APBB2: variants seen among roughly 807,000 people sequenced by gnomAD.
APBB2 encodes amyloid beta precursor protein binding family B member 2.
Under a neutral mutation model 82.5 loss-of-function variants are expected in APBB2, and 38 were observed. The observed-to-expected ratio is 0.46, with a 90% CI of 0.36 to 0.60. APBB2 has a LOEUF of 0.60. Ranked by LOEUF, APBB2 falls within the 20% of genes least tolerant of loss-of-function variation. APBB2 has a pLI of 0.00. For synonymous variants in APBB2, 341 were observed against 368.2 expected (o/e 0.93, Z 0.85); for missense variants, 772 against 972.3 (o/e 0.79, Z 2.74).
chr4:41,031,846 G>T (rs946130867), intron 5 of APBB2, among the ~76,000 whole-genome samples: 1 of 152,002 alleles, frequency 6.6e-6, no homozygotes, highest in African/African-American at 2.4e-5. Context: ...AAGAACATAC[G>T]TATTTATTTT....
chr4:41,046,549 CATAAG>C (rs1723491329), intron 4 of APBB2, among the ~76,000 whole-genome samples: 1 of 151,828 alleles, frequency 6.6e-6, no homozygotes, highest in African/African-American at 2.4e-5. Flanking sequence ...TTAGAGAAAA[CATAAG>C]AGATGAACTG....
intron 12 of APBB2, among the ~76,000 whole-genome samples, chr4:40,866,607 T>C (rs977580087): frequency 3.9e-5 from 6 of 152,354 alleles, no homozygotes; most frequent in East Asian, 1.9e-4. Context: ...TCCTTCAGTG[T>C]TGAGTTTAAA....
At chr4:41,178,399 T>C (rs1580654865) in intron 1 of APBB2, among the ~76,000 whole-genome samples, 3 of 152,152 alleles carry the variant, frequency 2.0e-5, no homozygotes, top group Admixed American at 1.3e-4. Context: ...CAGACTAGAA[T>C]GGAGCCTCCG....
rs754353538 is a variant in APBB2 at position 40,823,774 on chromosome 4, G to A, written c.1817-15C>T. The A allele has an allele frequency of 6.3e-7, 1 of 1,588,658 alleles. No homozygotes were observed. The highest frequency in any genetic ancestry group is 1.1e-5 in the South Asian group (1 of 90,568). Reference sequence around the variant, plus strand: ...AATATCCATTCCTGGGGACAGAAAAGGATAATTTAAAGTGTCCTAAAGCCA... The same window carrying A: ...AATATCCATTCCTGGGGACAGAAAAAGATAATTTAAAGTGTCCTAAAGCCA... On this transcript the variant is annotated splice_polypyrimidine_tract_variant and intron_variant, in intron 15 of 17. Transcript: ENST00000508593.
intron 13 of APBB2, among the ~76,000 whole-genome samples, chr4:40,828,810 C>T (rs963641754): frequency 3.3e-5 from 5 of 152,224 alleles, no homozygotes; most frequent in Non-Finnish European, 7.3e-5. Flanking sequence ...TCCTGCACGT[C>T]CCCATCGTGG....
intron 10 of APBB2, among the ~76,000 whole-genome samples, chr4:40,902,808 G>A (rs1288623647): frequency 6.6e-6 from 1 of 152,162 alleles, no homozygotes; most frequent in Non-Finnish European, 1.5e-5. Context: ...GGGATTACAG[G>A]CATGGGCCAC....
chr4:40,815,598 C>A lies in APBB2; in HGVS notation c.*494G>T. 1 of 153,588 alleles carries A rather than the reference C, an allele frequency of 6.5e-6. No homozygotes were observed. The allele number at this position is 153,588 out of a possible 1,614,324, so 9.5% of individuals were successfully genotyped here. On this transcript the variant is annotated 3_prime_UTR_variant, in exon 18 of 18. Coordinates refer to ENST00000508593, the MANE Select transcript of APBB2 (RefSeq NM_004307.2). ...GGTTCAATTTTATGAAAAATTAAAACACAAACTCGCCATCCTATTTTTACA... is the reference window on the plus strand; with the variant it reads ...GGTTCAATTTTATGAAAAATTAAAAAACAAACTCGCCATCCTATTTTTACA...
intron 4 of APBB2, among the ~76,000 whole-genome samples, chr4:41,054,512 C>T (rs1259150026): frequency 1.3e-5 from 2 of 152,136 alleles, no homozygotes; most frequent in Admixed American, 1.3e-4. Flanking sequence ...AATTGTGTCT[C>T]CATTTTGAGT....
intron 4 of APBB2, among the ~76,000 whole-genome samples, chr4:41,063,064 T>A (rs773099634): frequency 1.3e-5 from 2 of 152,238 alleles, no homozygotes; most frequent in Non-Finnish European, 2.9e-5. Context: ...TTAACCACTG[T>A]GAAAGAACGA....
chr4:40,880,910 C>T (rs1578165176), intron 12 of APBB2: 5 of 984,070 alleles, frequency 5.1e-6, no homozygotes, highest in African/African-American at 1.7e-5. Flanking sequence ...GAGAAACTGT[C>T]GCCTTCATAG....
At chr4:40,881,045 GA>G in intron 12 of APBB2, 1 of 985,394 alleles carries the variant, frequency 1.0e-6, no homozygotes, top group Non-Finnish European at 1.2e-6. Flanking sequence ...ATTCTGTGCT[GA>G]AAGTATTGCA....
intron 6 of APBB2, among the ~76,000 whole-genome samples, chr4:40,962,660 G>A (rs1367167358): frequency 6.6e-6 from 1 of 151,764 alleles, no homozygotes; most frequent in African/African-American, 2.4e-5. Context: ...ATCTCATTCT[G>A]AGAAACTACA....
intron 6 of APBB2, among the ~76,000 whole-genome samples, chr4:41,004,528 C>G (rs1222985114): frequency 6.6e-6 from 1 of 152,018 alleles, no homozygotes; most frequent in Non-Finnish European, 1.5e-5. Flanking sequence ...GCTCAGCACA[C>G]AGAGTTGACT....
chr4:40,964,106 T>A (rs371411784), intron 6 of APBB2, among the ~76,000 whole-genome samples: 2 of 152,150 alleles, frequency 1.3e-5, no homozygotes, highest in African/African-American at 4.8e-5. Context: ...CCCCACCAAC[T>A]TTCTGCTTCC....
intron 2 of APBB2, among the ~76,000 whole-genome samples, chr4:41,130,511 C>A (rs1755665514): frequency 6.6e-6 from 1 of 152,216 alleles, no homozygotes; most frequent in Admixed American, 6.5e-5. Flanking sequence ...AGCCACACCA[C>A]AGCACTTCTG....
intron 12 of APBB2, among the ~76,000 whole-genome samples, chr4:40,841,037 T>C (rs935981636): frequency 1.3e-5 from 2 of 152,196 alleles, no homozygotes; most frequent in African/African-American, 2.4e-5. Flanking sequence ...AAAAAGTCAG[T>C]GAAACCTGCA....
intron 6 of APBB2, among the ~76,000 whole-genome samples, chr4:40,975,246 G>C (rs115554957): frequency 0.028 from 4,227 of 152,244 alleles, 195 homozygotes; most frequent in African/African-American, 0.095. Context: ...ATAAATCCGA[G>C]TAAACAGGCC....
intron 2 of APBB2, among the ~76,000 whole-genome samples, chr4:41,132,521 G>A (rs1010293148): frequency 2.6e-5 from 4 of 152,146 alleles, no homozygotes; most frequent in African/African-American, 7.2e-5. Flanking sequence ...AGGCTTCCAT[G>A]GCCACCTCCA....
At chr4:41,132,097 T>C (rs1756182551) in intron 2 of APBB2, among the ~76,000 whole-genome samples, 1 of 151,986 alleles carries the variant, frequency 6.6e-6, no homozygotes, top group Admixed American at 6.6e-5. Context: ...AAGTATTCCA[T>C]ATGAAATATG....
Sources: allele counts gnomAD v4.1 joint callset (sites outside exome capture counted in the v4.1 genomes callset), GRCh38; gene constraint gnomAD v4.1.1; transcripts MANE v1.5; gene names NCBI Gene and HGNC (gene_info 2026-07-23, HGNC 2026-07-21).